Variants in DLG2 observed in about 807,000 individuals in gnomAD.
DLG2 encodes disks large homolog 2.
Under a neutral mutation model 132.5 loss-of-function variants are expected in DLG2, and 45 were observed. That is an observed-to-expected ratio of 0.34 (90% CI 0.27 to 0.44). The LOEUF is 0.44. Among genes scored for constraint, DLG2 ranks in the 20% least tolerant of loss-of-function variants. The pLI is 1.00. For missense variants in DLG2, 1,045 were observed against 1,196.9 expected (o/e 0.87, Z 1.87); for synonymous variants, 424 against 419.6 (o/e 1.01, Z -0.13).
chr11:84,818,448 G>A (rs1184743376), intron 6 of DLG2, among the ~76,000 whole-genome samples: 1 of 151,606 alleles, frequency 6.6e-6, no homozygotes, highest in Non-Finnish European at 1.5e-5. Flanking sequence ...CCTTAGGCTT[G>A]TTATATTAAT....
rs573563704 is a variant in DLG2, at chr11:85,506,662, G to C, written c.40+91995C>G. On this transcript the variant is annotated intron_variant, in intron 3 of 27. Transcript: ENST00000376104. ...CTATGTGGTTAATTTTGGAATAAGTGCAATGTGGTGCTGAGAAGAATGTAT... is the reference window on the plus strand; with the variant it reads ...CTATGTGGTTAATTTTGGAATAAGTCCAATGTGGTGCTGAGAAGAATGTAT... Among the ~76,000 whole-genome samples, 201 of 152,336 alleles carry C rather than the reference G, an allele frequency of 1.3e-3. 1 individual carries two copies. Among genetic ancestry groups the C allele is most frequent in the African/African-American group, 4.6e-3 (190 of 41,586 alleles).
At chr11:84,305,388 T>C (rs572910174) in intron 7 of DLG2, among the ~76,000 whole-genome samples, 1 of 152,112 alleles carries the variant, frequency 6.6e-6, no homozygotes, top group African/African-American at 2.4e-5. Flanking sequence ...GGTTAAAAAT[T>C]AGTGTTAGAA....
intron 7 of DLG2, among the ~76,000 whole-genome samples, chr11:84,382,846 T>C (rs2098753616): frequency 6.6e-6 from 1 of 150,828 alleles, no homozygotes; most frequent in Non-Finnish European, 1.5e-5. Flanking sequence ...CTCTCCAGTC[T>C]AGGCGACAGA....
chr11:85,415,707 T>C (rs2089776681), intron 3 of DLG2, among the ~76,000 whole-genome samples: 1 of 152,176 alleles, frequency 6.6e-6, no homozygotes, highest in African/African-American at 2.4e-5. Context: ...GTTGGGTTTT[T>C]TTCTTGTAAA....
chr11:84,684,347 C>T (rs2099736162), intron 6 of DLG2, among the ~76,000 whole-genome samples: 1 of 152,080 alleles, frequency 6.6e-6, no homozygotes, highest in South Asian at 2.1e-4. Context: ...TCTCTGTGGC[C>T]CATGTCTTGA....
chr11:85,044,551 C>T (rs898214056), intron 6 of DLG2, among the ~76,000 whole-genome samples: 4 of 151,972 alleles, frequency 2.6e-5, no homozygotes, highest in African/African-American at 9.7e-5. Context: ...CTCACGCAAC[C>T]TCCAGAGTGT....
intron 3 of DLG2, among the ~76,000 whole-genome samples, chr11:85,516,799 A>G (rs913365544): frequency 2.0e-5 from 3 of 152,112 alleles, no homozygotes; most frequent in Non-Finnish European, 4.4e-5. Flanking sequence ...CCAATAAAGG[A>G]AAACCCAGGA....
intron 3 of DLG2, among the ~76,000 whole-genome samples, chr11:85,469,158 A>C (rs931772695): frequency 3.3e-5 from 5 of 152,240 alleles, no homozygotes; most frequent in Non-Finnish European, 5.9e-5. Context: ...AAGTCCTATC[A>C]GCTCCTCATT....
intron 21 of DLG2, chr11:83,486,245 C>T: frequency 1.5e-6 from 1 of 687,550 alleles, no homozygotes. Context: ...TATTTAAACT[C>T]CAGTAACTGA....
chr11:83,984,910 T>G (rs1226184333), intron 11 of DLG2, among the ~76,000 whole-genome samples: 2 of 152,162 alleles, frequency 1.3e-5, no homozygotes, highest in Non-Finnish European at 2.9e-5. Context: ...ATTGCACTAC[T>G]GAACACTAGA....
intron 19 of DLG2, among the ~76,000 whole-genome samples, chr11:83,544,848 A>T (rs1257027778): frequency 6.6e-6 from 1 of 152,118 alleles, no homozygotes; most frequent in African/African-American, 2.4e-5. Flanking sequence ...TGACTCCAAA[A>T]TCTGCTTCCT....
intron 3 of DLG2, among the ~76,000 whole-genome samples, chr11:85,465,283 C>T (rs544582274): frequency 7.9e-5 from 12 of 151,480 alleles, no homozygotes; most frequent in African/African-American, 2.2e-4. Flanking sequence ...GCTGTGACTA[C>T]TTCATAGCCA....
At chr11:84,944,417 T>A (rs1028254272) in intron 6 of DLG2, among the ~76,000 whole-genome samples, 3 of 152,002 alleles carry the variant, frequency 2.0e-5, no homozygotes, top group African/African-American at 7.2e-5. Context: ...GCTTCATCAT[T>A]TTTTGTTTTT....
intron 6 of DLG2, among the ~76,000 whole-genome samples, chr11:84,943,655 A>T (rs1760400752): frequency 6.6e-6 from 1 of 152,126 alleles, no homozygotes; most frequent in South Asian, 2.1e-4. Context: ...CCCGATTTTT[A>T]ACTTTTTATT....
intron 18 of DLG2, among the ~76,000 whole-genome samples, chr11:83,654,231 T>C (rs2071592164): frequency 2.0e-5 from 3 of 152,172 alleles, no homozygotes; most frequent in African/African-American, 7.2e-5. Flanking sequence ...ATTTGGACTC[T>C]GTCATGGAGC....
chr11:83,941,994 C>G (rs1278357136), intron 14 of DLG2, among the ~76,000 whole-genome samples: 7 of 152,276 alleles, frequency 4.6e-5, no homozygotes, highest in Admixed American at 2.6e-4. Context: ...GTATAAACTG[C>G]TGAACCTACA....
chr11:85,085,149 C>T (rs2067751944), intron 6 of DLG2, among the ~76,000 whole-genome samples: 1 of 152,048 alleles, frequency 6.6e-6, no homozygotes, highest in Non-Finnish European at 1.5e-5. Flanking sequence ...ACAATTTTGT[C>T]CACTGTATTA....
At chr11:85,140,348 T>C (rs940159739) in intron 5 of DLG2, among the ~76,000 whole-genome samples, 1 of 151,944 alleles carries the variant, frequency 6.6e-6, no homozygotes, top group Non-Finnish European at 1.5e-5. Flanking sequence ...TATTTAGAAA[T>C]AGTAAACAAT....
intron 3 of DLG2, among the ~76,000 whole-genome samples, chr11:85,308,829 CTA>C (rs2080133690): frequency 6.6e-6 from 1 of 152,046 alleles, no homozygotes; most frequent in African/African-American, 2.4e-5. Context: ...ATATGGCAGA[CTA>C]TAGAGAGTAC....
Sources: allele counts gnomAD v4.1 joint callset (sites outside exome capture counted in the v4.1 genomes callset), GRCh38; gene constraint gnomAD v4.1.1; transcripts MANE v1.5; gene names NCBI Gene and HGNC (gene_info 2026-07-23, HGNC 2026-07-21).